The following SENP2 variants were observed in gnomAD, a reference collection of about 807,000 sequenced individuals.
SENP2 encodes the protein SUMO specific peptidase 2, also known as sentrin-specific protease 2.
A neutral mutation model predicts 86.3 loss-of-function variants in SENP2; 16 were observed. That is an observed-to-expected ratio of 0.19 (90% CI 0.13 to 0.28). SENP2 has a LOEUF of 0.28. SENP2 is among the 10% of genes least tolerant of loss of function. The pLI is 1.00. For synonymous variants in SENP2, 222 were observed against 238.7 expected (o/e 0.93, Z 0.64); for missense variants, 552 against 703.0 (o/e 0.79, Z 2.43).
At chr3:185,591,035 G>T (rs111307985) in intron 2 of SENP2, among the ~76,000 whole-genome samples, 2 of 145,516 alleles carry the variant, frequency 1.4e-5, no homozygotes, top group Non-Finnish European at 3.0e-5. Flanking sequence ...CTCCCGAGTA[G>T]CTGGGATTAC....
rs1712502018 is a variant in SENP2 at position 185,632,088 on chromosome 3, G to A, written c.*2244G>A. The A allele has an allele frequency of 1.3e-5, 2 of 151,808 alleles. No homozygotes were observed. Among genetic ancestry groups the A allele is most frequent in the South Asian group, 4.2e-4 (2 of 4,808 alleles). The allele number at this position is 151,808 out of a possible 1,614,324, so 9.4% of individuals were successfully genotyped here. Reference sequence around the variant, plus strand: ...CACTCACATGTCTCCCTTGGCATAAGGAAACATGTTAGTAATATAGTTTTT... The same window carrying A: ...CACTCACATGTCTCCCTTGGCATAAAGAAACATGTTAGTAATATAGTTTTT... On this transcript the variant is annotated 3_prime_UTR_variant, in exon 17 of 17. Transcript: ENST00000296257.
chr3:185,628,439 A>T (rs913137482), intron 16 of SENP2, among the ~76,000 whole-genome samples: 5 of 151,458 alleles, frequency 3.3e-5, no homozygotes, highest in Admixed American at 2.6e-4. Flanking sequence ...GCCCGGTGAC[A>T]TCACTAGTTT....
At chr3:185,593,820 C>T (rs1402062567) in intron 2 of SENP2, among the ~76,000 whole-genome samples, 2 of 151,690 alleles carry the variant, frequency 1.3e-5, no homozygotes, top group Non-Finnish European at 2.9e-5. Context: ...CCTCCACCTC[C>T]CAGGTTCAAG....
Position 185,609,210 on chromosome 3 carries a change from G to A in SENP2, c.619-37G>A, listed in dbSNP as rs767752737. The A allele has an allele frequency of 1.3e-5, 19 of 1,426,398 alleles. 2 individuals are homozygous for A. In the East Asian group the frequency reaches 2.7e-4, roughly 21 times the overall value. The allele number at this position is 1,426,398 out of a possible 1,614,324, so 88.4% of individuals were successfully genotyped here. A position where few individuals can be genotyped will look rare whatever the true frequency, so the allele number is the denominator to read the frequency against. On this transcript the variant is annotated intron_variant, in intron 6 of 16. Transcript: ENST00000296257. ...TTGGCCTTTTAATTATAAATTTAAT[G>A]TGCTGGTACTTATCTAACATGCTTT... is the stretch of plus-strand genomic sequence containing the variant.
chr3:185,609,914 A>AT (rs1400600426), intron 7 of SENP2, among the ~76,000 whole-genome samples: 2 of 152,058 alleles, frequency 1.3e-5, no homozygotes, highest in Non-Finnish European at 2.9e-5. Flanking sequence ...GGTCATAACA[A>AT]TTTTCCTTAT....
At chr3:185,628,285 T>TGC (rs1712239799) in intron 16 of SENP2, among the ~76,000 whole-genome samples, 1 of 152,056 alleles carries the variant, frequency 6.6e-6, no homozygotes, top group Admixed American at 6.5e-5. Context: ...TACAGGCATG[T>TGC]ACCACCATGC....
chr3:185,612,859 T>A (rs941835986), intron 9 of SENP2, among the ~76,000 whole-genome samples: 1 of 152,190 alleles, frequency 6.6e-6, no homozygotes, highest in African/African-American at 2.4e-5. Flanking sequence ...GTGCCCCTTA[T>A]CTCCCAGGCG....
At chr3:185,593,092 G>A (rs1333012722) in intron 2 of SENP2, among the ~76,000 whole-genome samples, 1 of 152,162 alleles carries the variant, frequency 6.6e-6, no homozygotes, top group Non-Finnish European at 1.5e-5. Flanking sequence ...GTTAGTATGA[G>A]TTAGTATGTT....
intron 4 of SENP2, 54 bp from the exon 5 acceptor site, chr3:185,600,711 G>A (rs1722317003): frequency 1.7e-6 from 2 of 1,185,158 alleles, no homozygotes; most frequent in Non-Finnish European, 2.5e-6. Flanking sequence ...TCCTTATGCA[G>A]ACTGTTTGCA....
At chr3:185,626,204 A>T in intron 15 of SENP2, 94 bp from the exon 16 acceptor site, 1 of 756,820 alleles carries the variant, frequency 1.3e-6, no homozygotes. Context: ...TACCTTTATA[A>T]TATTGTTTAC....
intron 2 of SENP2, among the ~76,000 whole-genome samples, chr3:185,593,295 A>C (rs1444557813): frequency 6.6e-6 from 1 of 152,188 alleles, no homozygotes; most frequent in Non-Finnish European, 1.5e-5. Flanking sequence ...TTTTTAATAG[A>C]GACAGGGTCT....
intron 6 of SENP2, among the ~76,000 whole-genome samples, chr3:185,608,845 G>C (rs1342034824): frequency 1.3e-5 from 2 of 152,208 alleles, no homozygotes; most frequent in African/African-American, 2.4e-5. Context: ...TGTAGCCATA[G>C]AGGTTACTGG....
In SENP2 at chr3:185,611,713, G is replaced by A. The variant is rs1000364252; in HGVS notation, c.785G>A (p.Gly262Glu). The A allele has an allele frequency of 1.2e-5, 19 of 1,613,438 alleles. No individual in the cohort carries two copies. The highest frequency in any genetic ancestry group is 3.3e-5 in the South Asian group (3 of 91,064). Residue 262 changes from glycine to glutamate, a missense_variant, in exon 8 of 17, where the codon GGA becomes GAA. Physicochemically the swap from Gly to Glu is moderately conservative, Grantham distance 98 (BLOSUM62 -2). Around this residue, in one of 2 missense-constraint regions of SENP2, gnomAD observed 383 missense variants for 427.3 expected, o/e 0.90. Transcript: ENST00000296257. Reference protein sequence around the residue: ...TKGWGEEQNHGVKTTQFVPKQ... With the variant: ...TKGWGEEQNHEVKTTQFVPKQ... Reference sequence around the variant, plus strand: ...GGCTGGGGGGAAGAGCAAAATCACGGAGTCAAAACAACTCAGTTTGTTCCA... The same window carrying A: ...GGCTGGGGGGAAGAGCAAAATCACGAAGTCAAAACAACTCAGTTTGTTCCA...
chr3:185,618,928 A>T (rs528065404), intron 12 of SENP2, among the ~76,000 whole-genome samples: 3 of 152,228 alleles, frequency 2.0e-5, no homozygotes, highest in African/African-American at 7.2e-5. Context: ...ATTTTGGTGT[A>T]TGTCCTTCAA....
rs1560205256 is a variant in SENP2 at position 185,631,433 on chromosome 3, CCCTCCCA to C, written c.*1591_*1597del. The C allele has an allele frequency of 3.7e-5, 1 of 26,970 alleles. No individual in the cohort carries two copies. Among genetic ancestry groups the C allele is most frequent in the African/African-American group, 1.8e-4 (1 of 5,654 alleles). The allele number at this position is 26,970 out of a possible 1,614,324, so 1.7% of individuals were successfully genotyped here. ...AGGTTGTACCACACCTCTCCCCCCC[CCCTCCCA>C]CTCCCCCTCCCTCCCTCTCCCCTCC... On this transcript the variant is annotated 3_prime_UTR_variant, in exon 17 of 17. Transcript: ENST00000296257.
In SENP2 at chr3:185,615,569, C is replaced by T. The variant is rs535461552; in HGVS notation, c.1110+829C>T. On this transcript the variant is annotated intron_variant, in intron 11 of 16. Transcript: ENST00000296257. The stretch of plus-strand genomic sequence containing the variant: ...ATGTTGGCTAGGCTGGTCTCGAACT[C>T]CTGACCTTAGATGATCTACCCACCT... Among the ~76,000 whole-genome samples the T allele has an allele frequency of 1.5e-3, 230 of 152,202 alleles. 1 individual carries two copies. The highest frequency in any genetic ancestry group is 5.0e-3 in the African/African-American group (209 of 41,522).
intron 7 of SENP2, among the ~76,000 whole-genome samples, chr3:185,611,326 A>C (rs1577732546): frequency 6.6e-6 from 1 of 152,282 alleles, no homozygotes; most frequent in East Asian, 1.9e-4. Context: ...GATCCATTTA[A>C]ATACATAGCT....
At chr3:185,625,911 CTT>C (rs1395347086) in intron 15 of SENP2, among the ~76,000 whole-genome samples, 1 of 152,188 alleles carries the variant, frequency 6.6e-6, no homozygotes, top group East Asian at 1.9e-4. Context: ...GCAACTCTCA[CTT>C]TGTGTTTTTC....
chr3:185,606,653 A>G, intron 6 of SENP2, 155 bp downstream of exon 6: 1 of 656,690 alleles, frequency 1.5e-6, no homozygotes, highest in Non-Finnish European at 2.5e-6. Context: ...TTAAACCCAG[A>G]TGCACCAAAA....
Sources: gnomAD v4.1 joint callset for allele counts (sites outside exome capture counted in the v4.1 genomes callset) on GRCh38, gnomAD v4.1.1 for gene constraint, gnomAD v4.1.1 regional missense constraint, MANE v1.5 for transcripts, NCBI Gene and HGNC (gene_info 2026-07-23, HGNC 2026-07-21) for gene names.